Variants in RDH11 observed in about 807,000 individuals in gnomAD.
RDH11 encodes retinol dehydrogenase 11, also known as HCV core-binding protein HCBP12.
Under a neutral mutation model 33.4 loss-of-function variants are expected in RDH11, and 19 were observed. That is an observed-to-expected ratio of 0.57 (90% CI 0.40 to 0.83). The LOEUF is 0.83. Among genes scored for constraint, RDH11 ranks in the 40% least tolerant of loss-of-function variants. RDH11 has a pLI of 0.00. For synonymous variants in RDH11, 154 were observed against 155.3 expected (o/e 0.99, Z 0.06); for missense variants, 353 against 389.0 (o/e 0.91, Z 0.78).
chr14:67,685,865 C>G lies in RDH11; in HGVS notation c.665-661G>C, dbSNP rs187838827. Among the ~76,000 whole-genome samples the G allele has an allele frequency of 3.2e-3, 493 of 152,238 alleles. 17 individuals carry two copies. In the East Asian group the frequency reaches 0.081, roughly 25 times the overall value. On this transcript the variant is annotated intron_variant, in intron 5 of 6. Coordinates refer to ENST00000381346, the MANE Select transcript of RDH11 (RefSeq NM_016026.4). ...TCCTGACTTCAAGTGATCTGCCCAC[C>G]TCGGCCTCCCAAAGTGCTGGGATTA... is the stretch of plus-strand genomic sequence containing the variant.
chr14:67,691,487 GGAGCTACT>G, intron 3 of RDH11: 1 of 394,258 alleles, frequency 2.5e-6, no homozygotes. Flanking sequence ...TTGTAGTTCA[GGAGCTACT>G]TACTCACTGC....
chr14:67,686,679 T>C (rs549292633), intron 5 of RDH11, among the ~76,000 whole-genome samples: 13 of 147,678 alleles, frequency 8.8e-5, no homozygotes, highest in South Asian at 8.7e-4. Flanking sequence ...GCATGGTAAG[T>C]GCTAAATGAT....
In RDH11 at chr14:67,695,736, G is replaced by A. The variant is rs755479014; in HGVS notation, c.-33C>T. ...GGCTGCAGCGGCACCAGAGCGGGAT[G>A]CTCCAGCGTTGCTCGCCGACTATGG... On this transcript the variant is annotated 5_prime_UTR_variant, in exon 1 of 7. Coordinates refer to ENST00000381346, the MANE Select transcript of RDH11 (RefSeq NM_016026.4). 6.2e-7 allele frequency: 1 copy of A among 1,604,924 alleles called. No individual in the cohort carries two copies. Among genetic ancestry groups the A allele is most frequent in the Non-Finnish European group, 8.5e-7 (1 of 1,173,578 alleles).
At position 67,692,571 on chromosome 14, in the gene RDH11, G is replaced by A. The variant is rs2037764354; in HGVS notation, c.216C>T (p.Cys72=). ...AQRGARVYLA[C]RDVEKGELVA... is the part of the protein sequence containing the mutation. The stretch of plus-strand genomic sequence containing the variant: ...CCAATTCCCCCTTTTCCACATCCCG[G>A]CAAGCTAAATATACTCGAGCTCCTG... The change falls in exon 3 of 7, where the codon TGC becomes TGT. Residue 72 remains cysteine, a synonymous_variant. Coordinates refer to ENST00000381346, the MANE Select transcript of RDH11 (RefSeq NM_016026.4). 2 of 1,599,516 alleles carry A rather than the reference G, an allele frequency of 1.3e-6. No homozygotes were observed. The highest frequency in any genetic ancestry group is 1.7e-5 in the Admixed American group (1 of 57,564).
At position 67,693,037 on chromosome 14, in the gene RDH11, A is replaced by C. The variant is rs1234536462; in HGVS notation, c.90T>G (p.Ser30Arg). ...AAPQIRKMLS[S>R]GVCTSTVQLP... The stretch of plus-strand genomic sequence containing the variant: ...GCTGAACAGTTGATGTACACACCCC[A>C]CTGGACAGCATTTTCCTGCAGACAG... The change falls in exon 2 of 7, where the codon AGT becomes AGG. Residue 30 changes from serine to arginine, a missense_variant. Physicochemically the swap from Ser to Arg is moderately radical, Grantham distance 110. Coordinates refer to ENST00000381346, the MANE Select transcript of RDH11 (RefSeq NM_016026.4). 2 of 1,612,562 alleles carry C rather than the reference A, an allele frequency of 1.2e-6. No homozygotes were observed. Among genetic ancestry groups the C allele is most frequent in the Non-Finnish European group, 1.7e-6 (2 of 1,179,048 alleles).
intron 6 of RDH11, among the ~76,000 whole-genome samples, chr14:67,681,329 C>T (rs2037613228): frequency 6.6e-6 from 1 of 152,342 alleles, no homozygotes; most frequent in Non-Finnish European, 1.5e-5. Context: ...GTTTAAGCCA[C>T]CCAGTCTGTG....
intron 6 of RDH11, among the ~76,000 whole-genome samples, chr14:67,684,033 T>C (rs1012278750): frequency 1.3e-5 from 2 of 152,204 alleles, no homozygotes; most frequent in African/African-American, 4.8e-5. Flanking sequence ...TTCTGCTGCT[T>C]CAGGGCCTCT....
Position 67,685,058 on chromosome 14 carries a change from C to A in RDH11, c.811G>T (p.Ala271Ser). The A allele has an allele frequency of 6.2e-7, 1 of 1,613,816 alleles. No individual in the cohort carries two copies. The highest frequency in any genetic ancestry group is 8.5e-7 in the Non-Finnish European group (1 of 1,179,922). Residue 271 changes from alanine (A) to serine (S), a missense_variant, in exon 6 of 7, where the codon GCC becomes TCC. Coordinates refer to ENST00000381346, the MANE Select transcript of RDH11 (RefSeq NM_016026.4). ...QQGAQTSLHCALTEGLEILSG... is the reference protein window; with the variant it reads ...QQGAQTSLHCSLTEGLEILSG... ...AGAATCTCAAGACCTTCTGTTAAGG[C>A]ACAGTGCAGGCTGGTCTGGGCTCCC...
At position 67,677,363 on chromosome 14, in the gene RDH11, A is replaced by ATTTTTTTTTTTTTTTTT. The variant is rs71129846; in HGVS notation, c.*941_*957dup. On this transcript the variant is annotated 3_prime_UTR_variant, in exon 7 of 7. Coordinates refer to ENST00000381346, the MANE Select transcript of RDH11 (RefSeq NM_016026.4). ...TTTTTTTTGTTTGTTTGTTTTTAGGATTTTTTTTTTTTTTTTTTTTTTTTT... is the reference window on the plus strand; with the variant it reads ...TTTTTTTTGTTTGTTTGTTTTTAGGATTTTTTTTTTTTTTTTTTTTTTTTTTTTTTTTTTTTTTTTTT... 3 of 31,968 alleles carry ATTTTTTTTTTTTTTTTT rather than the reference A, an allele frequency of 9.4e-5. 1 individual carries two copies. Among genetic ancestry groups the ATTTTTTTTTTTTTTTTT allele is most frequent in the African/African-American group, 1.4e-4 (1 of 7,336 alleles). The allele number at this position is 31,968 out of a possible 1,614,324, so 2.0% of individuals were successfully genotyped here.
intron 1 of RDH11, among the ~76,000 whole-genome samples, chr14:67,694,686 A>C (rs1376902881): frequency 1.3e-5 from 2 of 152,214 alleles, no homozygotes; most frequent in East Asian, 3.9e-4. Flanking sequence ...AGGTGGGAGA[A>C]CTGAGTGTTC....
chr14:67,678,297 C>T lies in RDH11; in HGVS notation c.*24G>A. 2 of 1,462,122 alleles carry T rather than the reference C, an allele frequency of 1.4e-6. No individual in the cohort carries two copies. The highest frequency in any genetic ancestry group is 1.9e-6 in the Non-Finnish European group (2 of 1,041,496). The allele number at this position is 1,462,122 out of a possible 1,614,324, so 90.6% of individuals were successfully genotyped here. ...ACTGTGTAGTCTGCTGCAGTCTTCT[C>T]TTGGGTCCAACTGGCACTGCCTGTT... On this transcript the variant is annotated 3_prime_UTR_variant, in exon 7 of 7. Coordinates refer to ENST00000381346, the MANE Select transcript of RDH11 (RefSeq NM_016026.4).
chr14:67,690,122 G>A (rs753358757), intron 5 of RDH11, 90 bp downstream of exon 5: 95 of 1,129,186 alleles, frequency 8.4e-5, no homozygotes, highest in Non-Finnish European at 1.2e-4. Flanking sequence ...TCCTCTCCAG[G>A]TGATGGGCTC....
Position 67,695,655 on chromosome 14 carries a change from G to T in RDH11, c.49C>A (p.Leu17Met). ...CTGATTTGGGGCGCAGCCATATACA[G>T]AAGGAAGGGCAGAAGGAGGAGCAAC... ...PLLLLLLPFL[L>M]YMAAPQIRKM... The change falls in exon 1 of 7, where the codon CTG becomes ATG. Residue 17 changes from leucine (L) to methionine (M), a missense_variant. By Grantham distance (15) the Leu-to-Met change is conservative. Coordinates refer to ENST00000381346, the MANE Select transcript of RDH11 (RefSeq NM_016026.4). The T allele has an allele frequency of 6.2e-7, 1 of 1,614,192 alleles. No homozygotes were observed. Among genetic ancestry groups the T allele is most frequent in the Non-Finnish European group, 8.5e-7 (1 of 1,180,020 alleles).
In RDH11 at chr14:67,692,484, C is replaced by G; in HGVS notation, c.303G>C (p.Leu101=). 6.2e-7 allele frequency: 1 copy of G among 1,614,130 alleles called. No homozygotes were observed. Among genetic ancestry groups the G allele is most frequent in the Non-Finnish European group, 8.5e-7 (1 of 1,180,028 alleles). Residue 101 remains leucine (L), a synonymous_variant, in exon 3 of 7, where the codon CTG becomes CTC. Coordinates refer to ENST00000381346, the MANE Select transcript of RDH11 (RefSeq NM_016026.4). ...NQQVLVRKLD[L]SDTKSIRAFA... The stretch of plus-strand genomic sequence containing the variant: ...AAGCTCGAATAGACTTAGTATCAGA[C>G]AGGTCCAGTTTCCGCACCAACACCT...
chr14:67,694,717 C>G (rs1251248168), intron 1 of RDH11, among the ~76,000 whole-genome samples: 1 of 151,706 alleles, frequency 6.6e-6, no homozygotes, highest in African/African-American at 2.4e-5. Context: ...AAAAATATAA[C>G]TGGAAGAGGG....
At chr14:67,684,976 G>A in intron 6 of RDH11, 39 bp downstream of exon 6, 1 of 1,537,284 alleles carries the variant, frequency 6.5e-7, no homozygotes, top group Non-Finnish European at 8.8e-7. Context: ...TCTCCTTTGA[G>A]CAATAAATCT....
chr14:67,686,608 C>T (rs1228667150), intron 5 of RDH11, among the ~76,000 whole-genome samples: 1 of 138,868 alleles, frequency 7.2e-6, no homozygotes, highest in Non-Finnish European at 1.5e-5. Context: ...CACTGCACTC[C>T]AGCCTGGGCG....
In RDH11 at chr14:67,691,132, T is replaced by C; in HGVS notation, c.454+8A>G. 6.2e-7 allele frequency: 1 copy of C among 1,602,814 alleles called. No individual in the cohort carries two copies. The highest frequency in any genetic ancestry group is 8.5e-7 in the Non-Finnish European group (1 of 1,169,652). ...TCTCTAGCTTTGTGATAAGGCCAGA[T>C]TTCTTACCCAAGTGGTTGACTCCTA... On this transcript the variant is annotated splice_region_variant and intron_variant, in intron 4 of 6. Transcript: ENST00000381346.
intron 5 of RDH11, among the ~76,000 whole-genome samples, chr14:67,689,439 T>A (rs1040338199): frequency 2.0e-5 from 3 of 152,132 alleles, no homozygotes; most frequent in Non-Finnish European, 2.9e-5. Flanking sequence ...TATATTTCCC[T>A]CTTATTTGAT....
Sources: allele counts gnomAD v4.1 joint callset (sites outside exome capture counted in the v4.1 genomes callset), GRCh38; gene constraint gnomAD v4.1.1; transcripts MANE v1.5; gene names NCBI Gene and HGNC (gene_info 2026-07-23, HGNC 2026-07-21).